Variants in DPAGT1 observed in about 807,000 individuals in gnomAD.
The protein encoded by DPAGT1 is UDP-N-acetylglucosamine--dolichyl-phosphate N-acetylglucosaminephosphotransferase.
Under a neutral mutation model 39.3 loss-of-function variants are expected in DPAGT1, and 25 were observed. That is an observed-to-expected ratio of 0.64 (90% confidence interval 0.46 to 0.89). The LOEUF is 0.89. DPAGT1 is among the 40% of genes least tolerant of loss of function. The pLI is 0.00. For synonymous variants in DPAGT1, 193 were observed against 201.4 expected, an observed-to-expected ratio of 0.96 and a Z score of 0.36; for missense variants, 381 against 500.6, an observed-to-expected ratio of 0.76 and a Z score of 2.28.
At chr11:119,098,382 C>T in intron 5 of DPAGT1, 21 bp downstream of exon 5, 1 of 1,611,674 alleles carries the variant, frequency 6.2e-7, no homozygotes, top group Non-Finnish European at 8.5e-7. Context: ...TAGTTGTCCC[C>T]TTATCCACAG....
At chr11:119,100,452 G>A (rs1322004957) in intron 3 of DPAGT1, 44 bp from the exon 4 acceptor site, 29 of 1,613,900 alleles carry the variant, frequency 1.8e-5, no homozygotes, top group African/African-American at 5.3e-5. Context: ...CCACCTAGGG[G>A]AGGAGGATTT....
chr11:119,095,248 T>A, downstream of DPAGT1: 1 of 1,613,520 alleles, frequency 6.2e-7, no homozygotes, highest in Non-Finnish European at 8.5e-7. Context: ...CCAGGTACAC[T>A]GGCGCGCCGG....
Position 119,100,711 on chromosome 11 carries a change from C to T in DPAGT1, c.415G>A (p.Val139Ile). ...GTGTTGCCAAAGTTGGTGAAATAGA[C>T]CATGAGGAGAGGTAGTGAGGCAGCT... ...PTAASLPLLM[V>I]YFTNFGNTTI... Residue 139 changes from valine (V) to isoleucine (I), a missense_variant, in exon 3 of 9, where the codon GTC (valine) becomes ATC (isoleucine). Val to Ile is a conservative substitution (Grantham distance 29). Coordinates refer to ENST00000354202, the MANE Select transcript of DPAGT1 (RefSeq NM_001382.4). 6.2e-7 allele frequency: 1 copy of T among 1,614,124 alleles called. No homozygotes were observed. The highest frequency in any genetic ancestry group is 8.5e-7 in the Non-Finnish European group (1 of 1,180,020).
At chr11:119,096,143 T>G (rs1050029302), downstream of DPAGT1, among the ~76,000 whole-genome samples, 2 of 152,130 alleles carry the variant, frequency 1.3e-5, no homozygotes, top group Non-Finnish European at 2.9e-5. Flanking sequence ...ATTTTATTTT[T>G]GTAGAGACGG....
chr11:119,101,644 G>C lies in DPAGT1; in HGVS notation c.12C>G (p.Phe4Leu). 1 of 1,614,276 alleles carries C rather than the reference G, an allele frequency of 6.2e-7. No homozygotes were observed. The highest frequency in any genetic ancestry group is 1.1e-5 in the South Asian group (1 of 91,092). ...TCAGCAGCGGCATGGGCAATTCCGA[G>C]AAGGCCCACATGGTGACCGGTCAGG... MWA[F>L]SELPMPLLIN... Residue 4 changes from phenylalanine to leucine, a missense_variant, in exon 1 of 9, where the codon TTC becomes TTG. By Grantham distance (22) the Phe-to-Leu change is conservative. Coordinates refer to ENST00000354202, the MANE Select transcript of DPAGT1 (RefSeq NM_001382.4).
downstream of DPAGT1, chr11:119,095,423 C>A: frequency 6.7e-7 from 1 of 1,488,206 alleles, no homozygotes; most frequent in Non-Finnish European, 8.9e-7. Flanking sequence ...TGAAGCACGA[C>A]GGCTCAAACA....
At chr11:119,098,665 C>T (rs1376998002) in intron 4 of DPAGT1, among the ~76,000 whole-genome samples, 178 bp from the exon 5 acceptor site, 1 of 152,208 alleles carries the variant, frequency 6.6e-6, no homozygotes, top group Non-Finnish European at 1.5e-5. Flanking sequence ...CCACCTCTTT[C>T]GTGCAGCCTT....
intron 3 of DPAGT1, 85 bp from the exon 4 acceptor site, chr11:119,100,493 C>T (rs751396559): frequency 2.6e-5 from 41 of 1,605,058 alleles, no homozygotes; most frequent in Non-Finnish European, 2.9e-5. Context: ...TGAGGACGGA[C>T]GATAGGATGA....
intron 4 of DPAGT1, 76 bp downstream of exon 4, chr11:119,100,186 G>T: frequency 6.2e-7 from 1 of 1,607,464 alleles, no homozygotes; most frequent in East Asian, 2.2e-5. Context: ...TTTTTCCCCT[G>T]AATTTCCCAA....
Position 119,097,063 on chromosome 11 carries a change from T to A in DPAGT1, c.1162A>T (p.Ile388Phe). 6.2e-7 allele frequency: 1 copy of A among 1,614,070 alleles called. No individual in the cohort carries two copies. The highest frequency in any genetic ancestry group is 1.1e-5 in the South Asian group (1 of 91,072). The change falls in exon 9 of 9, where the codon ATC (isoleucine) becomes TTC (phenylalanine). Residue 388 changes from isoleucine (I) to phenylalanine (F), a missense_variant and splice_region_variant. Physicochemically the swap from Ile to Phe is conservative, Grantham distance 21 (BLOSUM62 0). Transcript: ENST00000354202. The surrounding 1 kb of genome is among the most constrained non-coding windows in gnomAD (Gnocchi z 4.6). ...NLTLLLLLLQ[I>F]LGSAITFSIR... ...GAGAAGGTGATGGCACTGCCCAGGATCTGCAAGGAGAAATGGACTGGAGTA... is the reference window on the plus strand; with the variant it reads ...GAGAAGGTGATGGCACTGCCCAGGAACTGCAAGGAGAAATGGACTGGAGTA...
Position 119,097,606 on chromosome 11 carries a change from T to C in DPAGT1, c.918-55A>G. ...GGGCCACTATTTGAACCCTCCTCCC[T>C]GTGGCTAATAGGAAGAGCATTGAAT... On this transcript the variant is annotated intron_variant, in intron 6 of 8. Transcript: ENST00000354202. The surrounding 1 kb of genome is among the most constrained non-coding windows in gnomAD (Gnocchi z 4.6). 1 of 1,591,522 alleles carries C rather than the reference T, an allele frequency of 6.3e-7. No homozygotes were observed. The highest frequency in any genetic ancestry group is 8.6e-7 in the Non-Finnish European group (1 of 1,159,614).
downstream of DPAGT1, chr11:119,094,925 A>T: frequency 6.4e-7 from 1 of 1,564,046 alleles, no homozygotes; most frequent in Non-Finnish European, 8.6e-7. Context: ...TTGTGGTGGC[A>T]TGGGGAGGCC....
chr11:119,094,444 C>T (rs1946356445), downstream of DPAGT1: 1 of 152,358 alleles, frequency 6.6e-6, no homozygotes, highest in African/African-American at 2.4e-5. Flanking sequence ...CTGCAGCTGC[C>T]GAGGGCCTCA....
chr11:119,095,370 C>T (rs755690160), downstream of DPAGT1: 70 of 1,578,026 alleles, frequency 4.4e-5, no homozygotes, highest in Admixed American at 7.5e-5. Flanking sequence ...CGGGCCTTGC[C>T]GCCAGTCTTG....
downstream of DPAGT1, chr11:119,093,931 A>G (rs1946349044): frequency 6.4e-6 from 1 of 156,192 alleles, no homozygotes; most frequent in African/African-American, 2.4e-5. Flanking sequence ...CCCAATGCCT[A>G]AGGTTCTAGT....
At position 119,097,959 on chromosome 11, in the gene DPAGT1, G is replaced by A; in HGVS notation, c.813C>T (p.Phe271=). The part of the protein sequence containing the change: ...TFAVVGILGH[F]SKTMLLFFMP... ...TGAAGAATAGTAGCATGGTCTTGCTGAAGTGTCCCAAGATGCCCACCACGG... is the reference window on the plus strand; with the variant it reads ...TGAAGAATAGTAGCATGGTCTTGCTAAAGTGTCCCAAGATGCCCACCACGG... The change falls in exon 6 of 9, where the codon TTC becomes TTT. Residue 271 remains phenylalanine, a synonymous_variant. Coordinates refer to ENST00000354202, the MANE Select transcript of DPAGT1 (RefSeq NM_001382.4). This position sits in a 1 kb window ranked among gnomAD's most constrained non-coding sequence, Gnocchi z 4.6. 1 of 1,614,212 alleles carries A rather than the reference G, an allele frequency of 6.2e-7. No individual in the cohort carries two copies. Among genetic ancestry groups the A allele is most frequent in the Non-Finnish European group, 8.5e-7 (1 of 1,180,042 alleles).
intron 4 of DPAGT1, 102 bp from the exon 5 acceptor site, chr11:119,098,589 C>T (rs773622168): frequency 1.5e-5 from 18 of 1,170,596 alleles, no homozygotes; most frequent in Non-Finnish European, 2.1e-5. Flanking sequence ...TTATCATCCA[C>T]CTCACCCAAG....
chr11:119,101,623 C>A lies in DPAGT1; in HGVS notation c.33G>T (p.Leu11=). The A allele has an allele frequency of 1.2e-6, 2 of 1,614,280 alleles. No homozygotes were observed. The highest frequency in any genetic ancestry group is 2.7e-5 in the African/African-American group (2 of 75,080). ...GCAGCGAGACGATCAAATTGATCAG[C>A]AGCGGCATGGGCAATTCCGAGAAGG... is the stretch of plus-strand genomic sequence containing the variant. MWAFSELPMP[L]LINLIVSLLG... Residue 11 remains leucine (L), a synonymous_variant, in exon 1 of 9, where the codon CTG becomes CTT. Coordinates refer to ENST00000354202, the MANE Select transcript of DPAGT1 (RefSeq NM_001382.4).
At chr11:119,095,146 G>A (rs1946369375), downstream of DPAGT1, 1 of 1,614,038 alleles carries the variant, frequency 6.2e-7, no homozygotes. Flanking sequence ...CCAGCTGCAG[G>A]TGGCGGGGGA....
Sources: allele counts gnomAD v4.1 joint callset (sites outside exome capture counted in the v4.1 genomes callset), GRCh38; gene constraint gnomAD v4.1.1; non-coding constraint Gnocchi (gnomAD v3.1); transcripts MANE v1.5; gene names NCBI Gene and HGNC (gene_info 2026-07-23, HGNC 2026-07-21).